The following ZNF18 variants were observed in gnomAD, a reference collection of about 807,000 sequenced individuals.
The protein encoded by ZNF18 is heart development-specific gene 1 protein.
ZNF18 carries 42 observed loss-of-function variants against 58.1 expected under a neutral mutation model. The ratio of observed to expected loss-of-function variants is 0.72; its 90% confidence interval spans 0.56 to 0.93. ZNF18 has a LOEUF of 0.93. Ranked by LOEUF, ZNF18 falls within the 40% of genes least tolerant of loss-of-function variation. The probability of loss-of-function intolerance (pLI) is 0.00; values close to 1 mark genes in which losing one functional copy is unlikely to be tolerated. For missense variants in ZNF18, 540 were observed against 644.2 expected (o/e 0.84, Z 1.75); for synonymous variants, 231 against 239.8 (o/e 0.96, Z 0.34).
chr17:12,009,742 C>T, the ZNF18 span, among the ~76,000 whole-genome samples: 1 of 152,084 alleles, frequency 6.6e-6, no homozygotes, highest in East Asian at 1.9e-4. Flanking sequence ...CGTGAGCCAC[C>T]GCGCCTGGCC....
chr17:12,011,263 A>C, the ZNF18 span: 2 of 372,442 alleles, frequency 5.4e-6, no homozygotes, highest in Admixed American at 7.4e-5. Context: ...CCCCTGAATC[A>C]TATTTTGAAT....
chr17:11,990,503 C>G lies in ZNF18; in HGVS notation c.625G>C (p.Asp209His), dbSNP rs765409540. 6.2e-6 allele frequency: 10 copies of G among 1,612,900 alleles called. No individual in the cohort carries two copies. The highest frequency in any genetic ancestry group is 8.5e-6 in the Non-Finnish European group (10 of 1,179,778). Residue 209 changes from aspartate to histidine, a missense_variant, in exon 4 of 7, where the codon GAC becomes CAC. Coordinates refer to ENST00000580306, the MANE Select transcript of ZNF18 (RefSeq NM_001303281.2). ...AGCAGTGAGGCTCCGAGGTCCTGGT[C>G]TCTGATCAGCCTTTCCTCCAGTCGG... ...PARLEERLIR[D>H]QDLGASLLPA...
chr17:12,006,398 A>G, the ZNF18 span, among the ~76,000 whole-genome samples: 1 of 152,212 alleles, frequency 6.6e-6, no homozygotes, highest in Non-Finnish European at 1.5e-5. Flanking sequence ...TAGTAAAATG[A>G]GAGATAAAAA....
At chr17:11,999,675 C>A (rs1243825012), upstream of ZNF18, among the ~76,000 whole-genome samples, 1 of 152,136 alleles carries the variant, frequency 6.6e-6, no homozygotes, top group Non-Finnish European at 1.5e-5. Flanking sequence ...AAGTCCCAGC[C>A]CTCCCAAGAC....
At chr17:11,983,526 C>T in intron 5 of ZNF18, 119 bp from the exon 6 acceptor site, 1 of 718,502 alleles carries the variant, frequency 1.4e-6, no homozygotes, top group Non-Finnish European at 2.4e-6. Context: ...TGGACACTTG[C>T]AGAAACTCAC....
intron 2 of ZNF18, among the ~76,000 whole-genome samples, chr17:11,991,578 A>G (rs1968130464): frequency 6.6e-6 from 1 of 152,248 alleles, no homozygotes; most frequent in Non-Finnish European, 1.5e-5. Flanking sequence ...CAGCTGTGGT[A>G]TAATAAGAAA....
Position 11,978,575 on chromosome 17 carries a change from A to C in ZNF18, c.1032T>G (p.Pro344=). The change falls in exon 7 of 7, where the codon CCT becomes CCG. Residue 344 remains proline (P), a synonymous_variant. Coordinates refer to ENST00000580306, the MANE Select transcript of ZNF18 (RefSeq NM_001303281.2). ...CATCCTGAATGTTTTGCAGAGCCTC[A>C]GGGAGATTCTCTCCTTCTCCAAAGC... ...PGCFGEGENL[P]EALQNIQDEG... is the part of the protein sequence containing the mutation. The C allele has an allele frequency of 6.2e-7, 1 of 1,614,084 alleles. No homozygotes were observed.
the ZNF18 span, among the ~76,000 whole-genome samples, chr17:12,018,463 C>T: frequency 1.8e-4 from 27 of 152,256 alleles, no homozygotes; most frequent in African/African-American, 6.0e-4. Context: ...TGTCTGCATC[C>T]TAATCTCTTT....
chr17:11,984,921 A>G (rs1165377023), intron 4 of ZNF18, among the ~76,000 whole-genome samples: 4 of 152,180 alleles, frequency 2.6e-5, no homozygotes, highest in African/African-American at 7.2e-5. Context: ...CAGGAAATTC[A>G]AAAAGCAAAG....
intron 5 of ZNF18, among the ~76,000 whole-genome samples, 185 bp from the exon 6 acceptor site, chr17:11,983,592 A>G (rs1967524689): frequency 6.6e-6 from 1 of 152,184 alleles, no homozygotes; most frequent in Admixed American, 6.5e-5. Flanking sequence ...TGACCTTGAC[A>G]GATGGTAAAG....
chr17:11,995,547 G>C (rs994637475), intron 1 of ZNF18: 1 of 152,136 alleles, frequency 6.6e-6, no homozygotes, highest in African/African-American at 2.4e-5. Context: ...GCTGGGCATG[G>C]TGGTGCGCAC....
chr17:12,018,394 G>A, the ZNF18 span, among the ~76,000 whole-genome samples: 2 of 152,116 alleles, frequency 1.3e-5, no homozygotes, highest in Non-Finnish European at 2.9e-5. Context: ...AGGCAGAGTT[G>A]GTGTCTTTTG....
intron 4 of ZNF18, among the ~76,000 whole-genome samples, chr17:11,989,390 A>C (rs1308525534): frequency 6.6e-6 from 1 of 152,236 alleles, no homozygotes; most frequent in Non-Finnish European, 1.5e-5. Flanking sequence ...TCTCATAATG[A>C]GAATAATCAT....
rs1251790472 is a variant in ZNF18 at position 11,978,657 on chromosome 17, C to T, written c.950G>A (p.Gly317Glu). The T allele has an allele frequency of 3.1e-6, 5 of 1,613,478 alleles. No individual in the cohort carries two copies. The highest frequency in any genetic ancestry group is 4.2e-6 in the Non-Finnish European group (5 of 1,180,016). Reference sequence around the variant, plus strand: ...CAAGGAAGCCTGAGAAGGAACCTCTCCTGAAGCTTGACAGGAAGCATGCAG... The same window carrying T: ...CAAGGAAGCCTGAGAAGGAACCTCTTCTGAAGCTTGACAGGAAGCATGCAG... Reference protein sequence around the residue: ...ELLHASCQASGEVPSQASLRG... With the variant: ...ELLHASCQASEEVPSQASLRG... Residue 317 changes from glycine to glutamate, a missense_variant, in exon 7 of 7, where the codon GGA becomes GAA. Transcript: ENST00000580306.
the ZNF18 span, among the ~76,000 whole-genome samples, chr17:12,013,800 A>G: frequency 6.6e-6 from 1 of 152,202 alleles, no homozygotes; most frequent in Non-Finnish European, 1.5e-5. Context: ...ATTATTCTAT[A>G]TTGCTGATAA....
chr17:12,012,069 G>C, the ZNF18 span, among the ~76,000 whole-genome samples: 3 of 152,126 alleles, frequency 2.0e-5, no homozygotes, highest in Non-Finnish European at 2.9e-5. Context: ...AGCTACCAAA[G>C]AATATATAAT....
At chr17:12,019,294 ATGTGTGTGTG>A in the ZNF18 span, among the ~76,000 whole-genome samples, 7,861 of 145,350 alleles carry the variant, frequency 0.054, 577 homozygotes, top group African/African-American at 0.17. Context: ...ATAATATTGG[ATGTGTGTGTG>A]TGTGTGTGTG....
chr17:11,984,266 T>G, intron 4 of ZNF18, 69 bp from the exon 5 acceptor site: 1 of 1,452,612 alleles, frequency 6.9e-7, no homozygotes, highest in Non-Finnish European at 9.3e-7. Flanking sequence ...CTGCCTTCCC[T>G]GCCTAAAGGA....
intron 6 of ZNF18, among the ~76,000 whole-genome samples, chr17:11,979,966 G>A (rs1176179135): frequency 6.6e-6 from 1 of 152,116 alleles, no homozygotes; most frequent in East Asian, 1.9e-4. Context: ...TTTGCTTATT[G>A]TGTTTTTGCG....
Sources: allele counts gnomAD v4.1 joint callset (sites outside exome capture counted in the v4.1 genomes callset), GRCh38; gene constraint gnomAD v4.1.1; transcripts MANE v1.5; gene names NCBI Gene and HGNC (gene_info 2026-07-23, HGNC 2026-07-21).